RICTOR: variants seen among roughly 807,000 people sequenced by gnomAD.
RICTOR encodes rapamycin-insensitive companion of mTOR.
Under a neutral mutation model 214.9 loss-of-function variants are expected in RICTOR, and 49 were observed. The observed-to-expected ratio is 0.23, with a 90% CI of 0.18 to 0.29. The LOEUF is 0.29. Among genes scored for constraint, RICTOR ranks in the 10% least tolerant of loss-of-function variants. The probability of loss-of-function intolerance (pLI) is 1.00; values close to 1 mark genes in which losing one functional copy is unlikely to be tolerated. For missense variants in RICTOR, 1,625 were observed against 2,047.0 expected, an observed-to-expected ratio of 0.79 and a Z score of 3.98; for synonymous variants, 717 against 711.3, an observed-to-expected ratio of 1.01 and a Z score of -0.13.
chr5:38,999,923 TGGTAAAA>T (rs1753488256), intron 5 of RICTOR, among the ~76,000 whole-genome samples: 1 of 151,908 alleles, frequency 6.6e-6, no homozygotes, highest in African/African-American at 2.4e-5. Context: ...AGTAAAAGGA[TGGTAAAA>T]GGTATACCAT....
chr5:38,963,362 G>A (rs1317092003), intron 16 of RICTOR, among the ~76,000 whole-genome samples: 1 of 151,850 alleles, frequency 6.6e-6, no homozygotes. Context: ...AAATTTTAAA[G>A]CTTTGCTTTT....
At chr5:39,023,302 G>A (rs555038255) in intron 2 of RICTOR, among the ~76,000 whole-genome samples, 2 of 151,186 alleles carry the variant, frequency 1.3e-5, no homozygotes, top group Non-Finnish European at 2.9e-5. Flanking sequence ...ACCACTGACA[G>A]AGAAAATCTT....
rs750704208 is a variant in RICTOR at position 38,955,616 on chromosome 5, T to C, written c.2588A>G (p.Tyr863Cys). 22 of 1,600,454 alleles carry C rather than the reference T, an allele frequency of 1.4e-5. No individual in the cohort carries two copies. Among genetic ancestry groups the C allele is most frequent in the Admixed American group, 3.3e-5 (2 of 59,922 alleles). ...GCACCTTTGGTTACTCCGACGAACA[T>C]AGTTATCACCATCAACAGGCTTCCG... is the stretch of plus-strand genomic sequence containing the variant. ...TYRKPVDGDN[Y>C]VRRSNQRLQR... Residue 863 changes from tyrosine (Y) to cysteine (C), a missense_variant, in exon 26 of 38, where the codon TAT becomes TGT. Coordinates refer to ENST00000357387, the MANE Select transcript of RICTOR (RefSeq NM_152756.5).
At chr5:39,028,225 C>T (rs541305163) in intron 2 of RICTOR, among the ~76,000 whole-genome samples, 2 of 145,796 alleles carry the variant, frequency 1.4e-5, no homozygotes, top group Admixed American at 6.8e-5. Flanking sequence ...CTCTGTCGCC[C>T]AGGCTGGAGT....
intron 3 of RICTOR, among the ~76,000 whole-genome samples, chr5:39,006,534 C>T (rs1026456466): frequency 6.6e-6 from 1 of 151,770 alleles, no homozygotes; most frequent in African/African-American, 2.4e-5. Context: ...TGTAACCATA[C>T]AGTATAAAGC....
chr5:38,942,311 T>C lies in RICTOR; in HGVS notation c.5120A>G (p.Glu1707Gly). 6.3e-7 allele frequency: 1 copy of C among 1,586,724 alleles called. No individual in the cohort carries two copies. Among genetic ancestry groups the C allele is most frequent in the Non-Finnish European group, 8.6e-7 (1 of 1,158,756 alleles). Residue 1707 changes from glutamate (E) to glycine (G), a missense_variant, in exon 38 of 38, where the codon GAA (glutamate) becomes GGA (glycine). This residue lies in a region of RICTOR where 38 missense variants were observed against 34.8 expected (regional missense o/e 1.09). Coordinates refer to ENST00000357387, the MANE Select transcript of RICTOR (RefSeq NM_152756.5). ...TCCATCATAAATATGAGGTCAGGAT[T>C]CAGCAGATGTATCAACTATAGGTTG... ...PKQPIVDTSA[E>G]S
At chr5:38,982,090 A>G in intron 7 of RICTOR, 54 bp from the exon 8 acceptor site, 1 of 1,331,484 alleles carries the variant, frequency 7.5e-7, no homozygotes, top group East Asian at 2.3e-5. Flanking sequence ...AAAAGTAATA[A>G]AAAATCTAGG....
At position 39,062,964 on chromosome 5, in the gene RICTOR, A is replaced by C. The variant is rs571446174; in HGVS notation, c.97+11147T>G. Among the ~76,000 whole-genome samples the C allele has an allele frequency of 1.5e-4, 23 of 152,288 alleles. No individual in the cohort carries two copies. In the South Asian group the frequency reaches 4.8e-3, roughly 32 times the overall value. On this transcript the variant is annotated intron_variant, in intron 2 of 37. Coordinates refer to ENST00000357387, the MANE Select transcript of RICTOR (RefSeq NM_152756.5). ...ATTCTGACTGTCAGGTTACATGTTTAAATTTTGAGATCAGAAAATCTGGTG... is the reference window on the plus strand; with the variant it reads ...ATTCTGACTGTCAGGTTACATGTTTCAATTTTGAGATCAGAAAATCTGGTG...
At chr5:38,977,515 T>TTAGC (rs933444830) in intron 9 of RICTOR, among the ~76,000 whole-genome samples, 1 of 152,022 alleles carries the variant, frequency 6.6e-6, no homozygotes, top group African/African-American at 2.4e-5. Flanking sequence ...CTTTGATCTC[T>TTAGC]TAGCTCAAAG....
chr5:39,041,163 G>T (rs1273392398), intron 2 of RICTOR, among the ~76,000 whole-genome samples: 1 of 152,168 alleles, frequency 6.6e-6, no homozygotes, highest in Non-Finnish European at 1.5e-5. Context: ...ATTTGGAGAT[G>T]CTTAACACGA....
chr5:38,990,501 T>TATGATATATAC (rs1561500495), intron 7 of RICTOR, among the ~76,000 whole-genome samples: 1 of 55,892 alleles, frequency 1.8e-5, no homozygotes, highest in Admixed American at 2.0e-4. Flanking sequence ...AATACATATA[T>TATGATATATAC]ACGATATATA....
At chr5:39,063,142 T>C (rs1758668193) in intron 2 of RICTOR, among the ~76,000 whole-genome samples, 2 of 152,106 alleles carry the variant, frequency 1.3e-5, no homozygotes, top group Admixed American at 6.5e-5. Flanking sequence ...GTGCAAGACA[T>C]ATGCACTACA....
intron 7 of RICTOR, among the ~76,000 whole-genome samples, chr5:38,986,153 C>A (rs958241479): frequency 6.6e-6 from 1 of 152,004 alleles, no homozygotes; most frequent in Non-Finnish European, 1.5e-5. Context: ...AATTATGGGG[C>A]GGTTTTCTCC....
chr5:39,003,784 T>C (rs1003153393), intron 3 of RICTOR, among the ~76,000 whole-genome samples, 162 bp from the exon 4 acceptor site: 2 of 152,166 alleles, frequency 1.3e-5, no homozygotes, highest in Non-Finnish European at 2.9e-5. Context: ...TATCATCTAT[T>C]TCTCATTTGA....
intron 11 of RICTOR, chr5:38,969,998 T>C (rs1445587129): frequency 1.3e-5 from 2 of 152,168 alleles, no homozygotes; most frequent in African/African-American, 4.8e-5. Context: ...GTATTTTTAT[T>C]GTACCTTTTC....
chr5:38,945,231 C>G, intron 34 of RICTOR, 163 bp from the exon 35 acceptor site: 2 of 632,930 alleles, frequency 3.2e-6, no homozygotes, highest in East Asian at 5.5e-5. Flanking sequence ...ATGAAAATAA[C>G]TACAGCATGC....
At chr5:38,975,628 G>T in intron 9 of RICTOR, 24 bp from the exon 10 acceptor site, 1 of 1,587,220 alleles carries the variant, frequency 6.3e-7, no homozygotes, top group Non-Finnish European at 8.7e-7. Flanking sequence ...GGAGGCAGCG[G>T]GGAGAATCAA....
At position 38,940,111 on chromosome 5, in the gene RICTOR, A is replaced by T. The variant is rs765901868; in HGVS notation, c.*2193T>A. The T allele has an allele frequency of 3.6e-5, 8 of 219,388 alleles. No individual in the cohort carries two copies. The highest frequency in any genetic ancestry group is 7.0e-5 in the African/African-American group (3 of 42,828). 13.6% of individuals were successfully genotyped at this position (219,388 alleles called of 1,614,324 possible). A position where few individuals can be genotyped will look rare whatever the true frequency, so the allele number is the denominator to read the frequency against. On this transcript the variant is annotated 3_prime_UTR_variant, in exon 38 of 38. Transcript: ENST00000357387. ...GGCAGATATGATAAGGTATACATAC[A>T]TATTTTTCAAAGTAACAGTAAAAAA... is the stretch of plus-strand genomic sequence containing the variant.
At chr5:39,026,621 T>C (rs1214825232) in intron 2 of RICTOR, among the ~76,000 whole-genome samples, 1 of 152,018 alleles carries the variant, frequency 6.6e-6, no homozygotes, top group Non-Finnish European at 1.5e-5. Flanking sequence ...TTTAATTTGA[T>C]CTGTCTTCTC....
Sources: gnomAD v4.1 joint callset for allele counts (sites outside exome capture counted in the v4.1 genomes callset) on GRCh38, gnomAD v4.1.1 for gene constraint, gnomAD v4.1.1 regional missense constraint, MANE v1.5 for transcripts, NCBI Gene and HGNC (gene_info 2026-07-23, HGNC 2026-07-21) for gene names.